RSBN1L: variants seen among roughly 807,000 people sequenced by gnomAD.
RSBN1L encodes the protein lysine-specific demethylase RSBN1L.
RSBN1L carries 30 observed loss-of-function variants against 67.7 expected under a neutral mutation model. The ratio of observed to expected loss-of-function variants is 0.44; its 90% CI spans 0.33 to 0.60. The LOEUF (loss-of-function observed/expected upper bound fraction) is 0.60, where lower values mean the gene tolerates loss of function less well. Among genes scored for constraint, RSBN1L ranks in the 20% least tolerant of loss-of-function variants. RSBN1L has a pLI of 0.02. For missense variants in RSBN1L, 992 were observed against 1,031.7 expected, an observed-to-expected ratio of 0.96 and a Z score of 0.53; for synonymous variants, 433 against 387.0, an observed-to-expected ratio of 1.12 and a Z score of -1.39.
chr7:77,709,936 G>C (rs970080783), intron 1 of RSBN1L, among the ~76,000 whole-genome samples: 3 of 152,054 alleles, frequency 2.0e-5, no homozygotes, highest in African/African-American at 7.3e-5. Flanking sequence ...TCTTTATCCA[G>C]ATTTGTCTTG....
At position 77,728,074 on chromosome 7, in the gene RSBN1L, A is replaced by G. The variant is rs77645488; in HGVS notation, c.587-8336A>G. Among the ~76,000 whole-genome samples the G allele has an allele frequency of 7.3e-3, 1,105 of 152,268 alleles. 17 individuals are homozygous for G. Among genetic ancestry groups the G allele is most frequent in the African/African-American group, 0.026 (1,063 of 41,538 alleles). On this transcript the variant is annotated intron_variant, in intron 1 of 7. Coordinates refer to ENST00000334955, the MANE Select transcript of RSBN1L (RefSeq NM_198467.3). The stretch of plus-strand genomic sequence containing the variant: ...GCTCCATTCTTGTACTTCAGCCTGA[A>G]CTAGTTATCCGCTGAGCCATCTGCA...
At chr7:77,758,255 T>C (rs1051721698) in intron 3 of RSBN1L, among the ~76,000 whole-genome samples, 1 of 152,218 alleles carries the variant, frequency 6.6e-6, no homozygotes, top group Non-Finnish European at 1.5e-5. Context: ...CAGGTTCAAG[T>C]GATTCTTGTG....
At chr7:77,699,368 T>C (rs1790783654) in intron 1 of RSBN1L, among the ~76,000 whole-genome samples, 1 of 152,220 alleles carries the variant, frequency 6.6e-6, no homozygotes, top group African/African-American at 2.4e-5. Context: ...ACAATTAAGC[T>C]CCTGTATTTA....
chr7:77,698,094 C>G (rs1179011478), intron 1 of RSBN1L, among the ~76,000 whole-genome samples: 1 of 152,220 alleles, frequency 6.6e-6, no homozygotes, highest in African/African-American at 2.4e-5. Context: ...AACAGTAGCT[C>G]AGATCATGAA....
intron 3 of RSBN1L, among the ~76,000 whole-genome samples, chr7:77,764,772 G>A (rs749334952): frequency 2.6e-5 from 4 of 151,822 alleles, no homozygotes; most frequent in South Asian, 2.1e-4. Flanking sequence ...GACTACAGGC[G>A]CGCGCCGGCC....
At chr7:77,741,572 G>T (rs999722852) in intron 2 of RSBN1L, among the ~76,000 whole-genome samples, 1 of 151,490 alleles carries the variant, frequency 6.6e-6, no homozygotes, top group African/African-American at 2.4e-5. Context: ...GGCACCTGTA[G>T]TCCCAGCTAC....
chr7:77,751,202 C>T (rs549899852), intron 3 of RSBN1L, among the ~76,000 whole-genome samples: 3 of 152,112 alleles, frequency 2.0e-5, no homozygotes, highest in Non-Finnish European at 4.4e-5. Context: ...TGCAGTGGTG[C>T]GACCTTGGCT....
At chr7:77,759,130 T>C (rs1241263732) in intron 3 of RSBN1L, among the ~76,000 whole-genome samples, 1 of 152,200 alleles carries the variant, frequency 6.6e-6, no homozygotes, top group Non-Finnish European at 1.5e-5. Context: ...AACACTAGCA[T>C]TTGTTGAATT....
chr7:77,745,135 C>T (rs1791463738), intron 2 of RSBN1L, among the ~76,000 whole-genome samples: 1 of 152,110 alleles, frequency 6.6e-6, no homozygotes, highest in Non-Finnish European at 1.5e-5. Context: ...TTGGCGCATG[C>T]CTGTAATCCC....
intron 3 of RSBN1L, among the ~76,000 whole-genome samples, chr7:77,751,032 T>C (rs1388773936): frequency 1.3e-5 from 2 of 152,228 alleles, no homozygotes; most frequent in Non-Finnish European, 1.5e-5. Flanking sequence ...AAGTTATAGT[T>C]TCCACTTTAA....
chr7:77,773,671 G>A (rs1791876084), intron 6 of RSBN1L, among the ~76,000 whole-genome samples: 2 of 152,178 alleles, frequency 1.3e-5, no homozygotes, highest in Admixed American at 6.5e-5. Context: ...CCTGAGGCAG[G>A]AGAATTGCTT....
At chr7:77,722,055 GAAGA>G (rs1791126973) in intron 1 of RSBN1L, among the ~76,000 whole-genome samples, 1 of 152,174 alleles carries the variant, frequency 6.6e-6, no homozygotes, top group South Asian at 2.1e-4. Context: ...GGGGAAAATT[GAAGA>G]AAGAAGTATT....
chr7:77,752,538 C>T (rs1039283875), intron 3 of RSBN1L, among the ~76,000 whole-genome samples: 3 of 152,170 alleles, frequency 2.0e-5, no homozygotes, highest in Non-Finnish European at 4.4e-5. Flanking sequence ...GAAAAATGAG[C>T]ATGCTTCTTC....
chr7:77,775,822 A>C (rs916513573), intron 6 of RSBN1L, among the ~76,000 whole-genome samples: 2 of 152,026 alleles, frequency 1.3e-5, no homozygotes, highest in African/African-American at 4.8e-5. Context: ...TTGGGAGGCC[A>C]AGGCGGGCGG....
At chr7:77,698,720 A>G (rs934093884) in intron 1 of RSBN1L, among the ~76,000 whole-genome samples, 1 of 152,222 alleles carries the variant, frequency 6.6e-6, no homozygotes, top group African/African-American at 2.4e-5. Flanking sequence ...GATAGGTTTT[A>G]CATTAAGATG....
At chr7:77,744,923 T>C (rs1454017700) in intron 2 of RSBN1L, among the ~76,000 whole-genome samples, 1 of 152,226 alleles carries the variant, frequency 6.6e-6, no homozygotes, top group Non-Finnish European at 1.5e-5. Context: ...TAAAATAGTT[T>C]TTGTTGTTTT....
intron 3 of RSBN1L, among the ~76,000 whole-genome samples, chr7:77,760,364 A>G (rs1791683692): frequency 6.6e-6 from 1 of 152,156 alleles, no homozygotes; most frequent in African/African-American, 2.4e-5. Flanking sequence ...TTTATAGAGA[A>G]TATACAAGGG....
intron 1 of RSBN1L, among the ~76,000 whole-genome samples, chr7:77,707,255 C>G (rs1790905861): frequency 6.6e-6 from 1 of 152,232 alleles, no homozygotes; most frequent in East Asian, 1.9e-4. Context: ...AATGCCCGAC[C>G]TCAAGTGATC....
chr7:77,750,760 T>C (rs1791546399), intron 3 of RSBN1L, among the ~76,000 whole-genome samples: 1 of 152,286 alleles, frequency 6.6e-6, no homozygotes. Flanking sequence ...TGCTGTAGTT[T>C]TTGGTTTTCT....
Sources: gnomAD v4.1 joint callset for allele counts (sites outside exome capture counted in the v4.1 genomes callset) on GRCh38, gnomAD v4.1.1 for gene constraint, MANE v1.5 for transcripts, NCBI Gene and HGNC (gene_info 2026-07-23, HGNC 2026-07-21) for gene names.